The following SAMD5 variants were observed in gnomAD, a reference collection of about 807,000 sequenced individuals.
SAMD5 encodes the protein sterile alpha motif domain containing 5.
SAMD5 carries 13 observed loss-of-function variants against 11.3 expected under a neutral mutation model. That is an observed-to-expected ratio of 1.15 (90% CI 0.75 to 1.83). The LOEUF (loss-of-function observed/expected upper bound fraction) is 1.83. Ranked by LOEUF, SAMD5 falls within the 40% of genes most tolerant of loss-of-function variation. The pLI is 0.00. For synonymous variants in SAMD5, 129 were observed against 111.3 expected, an observed-to-expected ratio of 1.16 and a Z score of -1.00; for missense variants, 255 against 239.1, an observed-to-expected ratio of 1.07 and a Z score of -0.44.
chr6:147,552,972 G>T (rs547444076), intron 1 of SAMD5, among the ~76,000 whole-genome samples: 1 of 152,282 alleles, frequency 6.6e-6, no homozygotes, highest in East Asian at 1.9e-4. Context: ...TTGTTCTAAA[G>T]ATGTGTCTAA....
chr6:147,861,599 C>T, the SAMD5 span, among the ~76,000 whole-genome samples: 1 of 152,172 alleles, frequency 6.6e-6, no homozygotes, highest in Admixed American at 6.5e-5. Flanking sequence ...CATTAGCTCT[C>T]AATTTGAACC....
the SAMD5 span, among the ~76,000 whole-genome samples, chr6:147,785,587 G>T: frequency 6.6e-6 from 1 of 152,174 alleles, no homozygotes; most frequent in Non-Finnish European, 1.5e-5. Flanking sequence ...CTTTGATAGT[G>T]AGAATTAGAT....
At chr6:147,593,459 A>C (rs1789485618) in intron 1 of SAMD5, among the ~76,000 whole-genome samples, 2 of 152,174 alleles carry the variant, frequency 1.3e-5, no homozygotes, top group Admixed American at 6.5e-5. Flanking sequence ...GATTTAATAG[A>C]GCTTATAGAA....
At chr6:147,842,873 A>G in the SAMD5 span, among the ~76,000 whole-genome samples, 1 of 152,160 alleles carries the variant, frequency 6.6e-6, no homozygotes, top group African/African-American at 2.4e-5. Flanking sequence ...AAATATCACA[A>G]ATTTTTTTTA....
chr6:147,911,957 A>G, the SAMD5 span, among the ~76,000 whole-genome samples: 8 of 152,170 alleles, frequency 5.3e-5, no homozygotes, highest in Non-Finnish European at 1.0e-4. Flanking sequence ...CTAGCCATTC[A>G]TCATGCTACG....
At chr6:147,602,228 G>A (rs1789627739) in intron 1 of SAMD5, among the ~76,000 whole-genome samples, 1 of 152,214 alleles carries the variant, frequency 6.6e-6, no homozygotes, top group Non-Finnish European at 1.5e-5. Flanking sequence ...GAATGAAAGT[G>A]TGTCATTTTT....
chr6:147,762,751 T>A, the SAMD5 span, among the ~76,000 whole-genome samples: 1 of 152,156 alleles, frequency 6.6e-6, no homozygotes, highest in East Asian at 1.9e-4. Flanking sequence ...TTATTTCCGG[T>A]TTAGTACTTT....
At chr6:147,770,687 A>G in the SAMD5 span, among the ~76,000 whole-genome samples, 2 of 152,230 alleles carry the variant, frequency 1.3e-5, no homozygotes, top group African/African-American at 4.8e-5. Context: ...AAGACTTTCA[A>G]TATTGATTCT....
the SAMD5 span, among the ~76,000 whole-genome samples, chr6:147,851,987 C>T: frequency 1.3e-5 from 2 of 152,222 alleles, no homozygotes; most frequent in Middle Eastern, 3.4e-3. Flanking sequence ...TTATACTCTT[C>T]AGGACAAAAG....
chr6:147,687,622 C>T (rs951914430), intron 1 of SAMD5, among the ~76,000 whole-genome samples: 1 of 152,158 alleles, frequency 6.6e-6, no homozygotes, highest in Admixed American at 6.5e-5. Flanking sequence ...ATGCAGACTT[C>T]TGGTCAAGTC....
rs1789108250 is a variant in SAMD5 at position 147,569,819 on chromosome 6, G to A, written c.*5363G>A. 1 of 985,054 alleles carries A rather than the reference G, an allele frequency of 1.0e-6. No homozygotes were observed. The highest frequency in any genetic ancestry group is 4.7e-5 in the South Asian group (1 of 21,282). 61.0% of individuals were successfully genotyped at this position (985,054 alleles called of 1,614,324 possible). Reference sequence around the variant, plus strand: ...AAGCACAGATTCACTCTAATTGAAAGCAGCAGTTTGGTTTTGTAAATGTAA... The same window carrying A: ...AAGCACAGATTCACTCTAATTGAAAACAGCAGTTTGGTTTTGTAAATGTAA... On this transcript the variant is annotated 3_prime_UTR_variant, in exon 2 of 2. Coordinates refer to ENST00000367474, the MANE Select transcript of SAMD5 (RefSeq NM_001030060.3).
At chr6:147,905,396 G>A in the SAMD5 span, among the ~76,000 whole-genome samples, 3 of 152,014 alleles carry the variant, frequency 2.0e-5, no homozygotes, top group Admixed American at 6.6e-5. Context: ...GGTCAGGCTG[G>A]GCTCGAGCTC....
intron 1 of SAMD5, among the ~76,000 whole-genome samples, chr6:147,637,931 T>C (rs1283332597): frequency 6.6e-6 from 1 of 151,960 alleles, no homozygotes; most frequent in Non-Finnish European, 1.5e-5. Context: ...TTTTCTCTCA[T>C]GCACATATTT....
chr6:147,821,133 C>G, the SAMD5 span, among the ~76,000 whole-genome samples: 1 of 152,210 alleles, frequency 6.6e-6, no homozygotes, highest in African/African-American at 2.4e-5. Context: ...CCAAATGTCT[C>G]TTAAGCAACA....
At chr6:147,939,928 T>C in the SAMD5 span, among the ~76,000 whole-genome samples, 15,370 of 152,136 alleles carry the variant, frequency 0.1, 1,061 homozygotes, top group South Asian at 0.29. Flanking sequence ...TATGGGATCA[T>C]CTGGGAGGGA....
chr6:147,803,131 CTGTGTGTGTGTGTGTGTGTGTGTG>C, the SAMD5 span, among the ~76,000 whole-genome samples: 6 of 136,818 alleles, frequency 4.4e-5, no homozygotes, highest in South Asian at 5.0e-4. Context: ...GCCTTCCTTT[CTGTGTGTGTGTGTGTGTGTGTGTG>C]TGTGTGTGTG....
intron 1 of SAMD5, among the ~76,000 whole-genome samples, chr6:147,549,115 A>C (rs6904516): frequency 0.62 from 93,630 of 152,088 alleles, 29,927 homozygotes; most frequent in East Asian, 0.92. Context: ...GAAAAATAAA[A>C]CTTCATTGTT....
chr6:147,536,014 C>T (rs535200910), intron 1 of SAMD5, among the ~76,000 whole-genome samples: 18 of 151,204 alleles, frequency 1.2e-4, no homozygotes, highest in Non-Finnish European at 1.8e-4. Context: ...GACGGACTCT[C>T]GCTCTGTTGC....
the SAMD5 span, among the ~76,000 whole-genome samples, chr6:147,826,932 C>T: frequency 2.0e-5 from 3 of 152,110 alleles, no homozygotes; most frequent in South Asian, 2.1e-4. Context: ...AGAGGCTGCT[C>T]ACGTCCTACA....
Sources: gnomAD v4.1 joint callset for allele counts (sites outside exome capture counted in the v4.1 genomes callset) on GRCh38, gnomAD v4.1.1 for gene constraint, MANE v1.5 for transcripts, NCBI Gene and HGNC (gene_info 2026-07-23, HGNC 2026-07-21) for gene names.